The following KCNT1 variants were observed in gnomAD, a reference collection of about 807,000 sequenced individuals.
The protein encoded by KCNT1 is potassium sodium-activated channel subfamily T member 1.
In KCNT1, 78 loss-of-function variants were observed where a neutral mutation model predicts 147.8. That is an observed-to-expected ratio of 0.53 (90% CI 0.44 to 0.64). The LOEUF is 0.64. KCNT1 is among the 30% of genes least tolerant of loss of function. KCNT1 has a pLI of 0.00. For synonymous variants in KCNT1, 867 were observed against 748.8 expected, an observed-to-expected ratio of 1.16 and a Z score of -2.58; for missense variants, 1,419 against 1,750.3, an observed-to-expected ratio of 0.81 and a Z score of 3.38.
chr9:135,725,185 T>C (rs1168018190), intron 2 of KCNT1, among the ~76,000 whole-genome samples: 2 of 148,176 alleles, frequency 1.3e-5, no homozygotes, highest in East Asian at 4.0e-4. Flanking sequence ...GCCACACAGC[T>C]GCCGGGGGGG....
At chr9:135,718,629 C>A (rs1178064737) in intron 2 of KCNT1, among the ~76,000 whole-genome samples, 1 of 152,204 alleles carries the variant, frequency 6.6e-6, no homozygotes. Flanking sequence ...ACCATCAGCA[C>A]AGGGCAGGTG....
intron 2 of KCNT1, among the ~76,000 whole-genome samples, chr9:135,722,063 C>G (rs952285338): frequency 3.3e-5 from 5 of 152,172 alleles, no homozygotes. Flanking sequence ...CTGTCGGTGA[C>G]CAGGGCCCAT....
chr9:135,771,949 T>C (rs1832789654), intron 18 of KCNT1, among the ~76,000 whole-genome samples: 1 of 152,160 alleles, frequency 6.6e-6, no homozygotes, highest in African/African-American at 2.4e-5. Flanking sequence ...ACACGGTGGC[T>C]GCTGGGGCAC....
chr9:135,725,907 G>A (rs982889114), intron 2 of KCNT1, among the ~76,000 whole-genome samples: 101 of 152,254 alleles, frequency 6.6e-4, no homozygotes, highest in African/African-American at 2.3e-3. Context: ...GGGAGCCCAG[G>A]TCTGGCAGGA....
chr9:135,756,110 ATGC>A (rs1831464657), intron 6 of KCNT1, among the ~76,000 whole-genome samples: 1 of 151,402 alleles, frequency 6.6e-6, no homozygotes, highest in African/African-American at 2.4e-5. Flanking sequence ...ACTTTAGTGA[ATGC>A]TGAAGACAGA....
At chr9:135,707,438 G>A (rs1376405181) in intron 1 of KCNT1, among the ~76,000 whole-genome samples, 1 of 152,192 alleles carries the variant, frequency 6.6e-6, no homozygotes, top group Non-Finnish European at 1.5e-5. Context: ...CAGCTCGAGG[G>A]TACTGACAGC....
chr9:135,789,136 T>G (rs1373628863), intron 29 of KCNT1: 1 of 150,560 alleles, frequency 6.6e-6, no homozygotes, highest in Non-Finnish European at 1.5e-5. Flanking sequence ...GCTAGCGGCC[T>G]TCATGAGTGG....
At chr9:135,783,150 C>G (rs1246322326) in intron 24 of KCNT1, among the ~76,000 whole-genome samples, 3 of 152,168 alleles carry the variant, frequency 2.0e-5, no homozygotes, top group Non-Finnish European at 4.4e-5. Flanking sequence ...GTCCGGAGCC[C>G]GTGGATGTAC....
chr9:135,771,486 C>T (rs990133693), intron 18 of KCNT1, among the ~76,000 whole-genome samples: 6 of 152,252 alleles, frequency 3.9e-5, no homozygotes, highest in African/African-American at 1.4e-4. Flanking sequence ...AGTGCCTGTC[C>T]AAGTGGGGCC....
intron 1 of KCNT1, among the ~76,000 whole-genome samples, chr9:135,706,616 C>T (rs1835267693): frequency 6.6e-6 from 1 of 152,246 alleles, no homozygotes; most frequent in Non-Finnish European, 1.5e-5. Context: ...TGGGGCACTC[C>T]ACAAGAGGGG....
chr9:135,768,547 C>A, intron 13 of KCNT1, 63 bp from the exon 14 acceptor site: 1 of 1,383,376 alleles, frequency 7.2e-7, no homozygotes, highest in Non-Finnish European at 1.0e-6. Flanking sequence ...CTCACCTCCG[C>A]ACCCCCGGCT....
chr9:135,753,055 T>C (rs528228323), intron 4 of KCNT1, among the ~76,000 whole-genome samples: 1 of 144,348 alleles, frequency 6.9e-6, no homozygotes, highest in South Asian at 2.2e-4. Context: ...GATGGATGAG[T>C]GGATGGATAG....
At chr9:135,775,240 G>A (rs1000526792) in intron 19 of KCNT1, 70 bp from the exon 20 acceptor site, 19 of 1,242,634 alleles carry the variant, frequency 1.5e-5, no homozygotes, top group East Asian at 2.6e-5. Flanking sequence ...CCCCCAGCCC[G>A]AGGGGGGCCC....
chr9:135,757,168 GAGC>G lies in KCNT1; in HGVS notation c.616_618del (p.Gln206del). 1.2e-6 allele frequency: 2 copies of G among 1,609,000 alleles called. No homozygotes were observed. The highest frequency in any genetic ancestry group is 1.7e-6 in the Non-Finnish European group (2 of 1,179,258). On this transcript the variant is annotated inframe_deletion, in exon 8 of 31. Coordinates refer to ENST00000371757, the MANE Select transcript of KCNT1 (RefSeq NM_020822.3). ...CGTTTGGCCCCAGGGCAACATCTGGGAGCAGATCTTCCGCGTGTCCTTCGTCCT... is the reference window on the plus strand; with the variant it reads ...CGTTTGGCCCCAGGGCAACATCTGGGAGATCTTCCGCGTGTCCTTCGTCCT...
At chr9:135,788,046 T>G in intron 29 of KCNT1, 2 of 1,413,172 alleles carry the variant, frequency 1.4e-6, no homozygotes, top group Non-Finnish European at 2.0e-6. Flanking sequence ...CCTCGCTTGC[T>G]GATATTCTCT....
rs1336942798 is a variant in KCNT1 at position 135,753,765 on chromosome 9, A to C, written c.435-172A>C. ...TGCAGGATCTCCGCAGTAGGTGGGG[A>C]GGGGGCAGGCTGCCTTGTCTCCCAG... On this transcript the variant is annotated intron_variant, in intron 4 of 30. Coordinates refer to ENST00000371757, the MANE Select transcript of KCNT1 (RefSeq NM_020822.3). The C allele has an allele frequency of 6.2e-6, 4 of 648,616 alleles. No individual in the cohort carries two copies. The East Asian group carries it at 1.1e-4, about 17-fold the overall frequency. 40.2% of individuals were successfully genotyped at this position (648,616 alleles called of 1,614,324 possible). A position where few individuals can be genotyped will look rare whatever the true frequency, so the allele number is the denominator to read the frequency against.
intron 29 of KCNT1, chr9:135,788,207 G>C: frequency 2.0e-6 from 3 of 1,520,998 alleles, no homozygotes; most frequent in Non-Finnish European, 2.7e-6. Flanking sequence ...AACGGGGCTC[G>C]CCAACCCTTC....
chr9:135,778,730 C>G lies in KCNT1; in HGVS notation c.2637C>G (p.Asn879Lys). ...AGTGTGGCATCATCTATGCGGACAA[C>G]CTGGTGGTGGTGGACAAGGAGAGCA... Reference protein sequence around the residue: ...LLQCGIIYADNLVVVDKESTM... With the variant: ...LLQCGIIYADKLVVVDKESTM... The change falls in exon 23 of 31, where the codon AAC becomes AAG. Residue 879 changes from asparagine to lysine, a missense_variant. By Grantham distance (94) the Asn-to-Lys change is moderately conservative. This residue lies in a region of KCNT1 where 247 missense variants were observed against 397.1 expected (regional missense o/e 0.62). Transcript: ENST00000371757. The G allele has an allele frequency of 6.2e-7, 1 of 1,613,818 alleles. No individual in the cohort carries two copies. The highest frequency in any genetic ancestry group is 8.5e-7 in the Non-Finnish European group (1 of 1,179,924).
At chr9:135,770,759 C>T in intron 17 of KCNT1, 98 bp from the exon 18 acceptor site, 1 of 1,189,622 alleles carries the variant, frequency 8.4e-7, no homozygotes. Context: ...AGACGCGGAG[C>T]TCCGGTGGGG....
Sources: gnomAD v4.1 joint callset for allele counts (sites outside exome capture counted in the v4.1 genomes callset) on GRCh38, gnomAD v4.1.1 for gene constraint, gnomAD v4.1.1 regional missense constraint, MANE v1.5 for transcripts, NCBI Gene and HGNC (gene_info 2026-07-23, HGNC 2026-07-21) for gene names.